The following SMCR8 variants were observed in gnomAD, a reference collection of about 807,000 sequenced individuals.
SMCR8 encodes the protein SMCR8-C9orf72 complex subunit.
In SMCR8, 30 loss-of-function variants were observed where a neutral mutation model predicts 56.6. The ratio of observed to expected loss-of-function variants is 0.53; its 90% CI spans 0.40 to 0.72. The LOEUF is 0.72. Ranked by LOEUF, SMCR8 falls within the 30% of genes least tolerant of loss-of-function variation. The pLI is 0.00. For synonymous variants in SMCR8, 538 were observed against 456.0 expected (o/e 1.18, Z -2.29); for missense variants, 1,198 against 1,157.0 (o/e 1.04, Z -0.51).
chr17:18,315,940 G>A lies in SMCR8; in HGVS notation c.151G>A (p.Ala51Thr). ...GANPWSKLSG[A>T]KFSRDFILIS... ...TAACCCCTGGTCAAAACTGTCCGGG[G>A]CCAAGTTTTCGAGGGACTTCATTCT... The change falls in exon 1 of 2, where the codon GCC becomes ACC. Residue 51 changes from alanine to threonine, a missense_variant. By Grantham distance (58) the Ala-to-Thr change is moderately conservative. Coordinates refer to ENST00000406438, the MANE Select transcript of SMCR8 (RefSeq NM_144775.3). The A allele has an allele frequency of 1.2e-6, 2 of 1,614,194 alleles. No individual in the cohort carries two copies. Among genetic ancestry groups the A allele is most frequent in the East Asian group, 4.5e-5 (2 of 44,886 alleles).
chr17:18,316,219 C>G lies in SMCR8; in HGVS notation c.430C>G (p.Leu144Val). The G allele has an allele frequency of 6.2e-7, 1 of 1,613,842 alleles. No homozygotes were observed. The highest frequency in any genetic ancestry group is 8.5e-7 in the Non-Finnish European group (1 of 1,180,046). ...AYVHHLTLYD[L>V]EARGFVRPFC... ...CGTGCACCACCTTACCCTATACGAC[C>G]TGGAGGCCCGTGGCTTCGTGAGGCC... is the stretch of plus-strand genomic sequence containing the variant. The change falls in exon 1 of 2, where the codon CTG (leucine) becomes GTG (valine). Residue 144 changes from leucine to valine, a missense_variant. Coordinates refer to ENST00000406438, the MANE Select transcript of SMCR8 (RefSeq NM_144775.3).
At position 18,323,397 on chromosome 17, in the gene SMCR8, G is replaced by A. The variant is rs1982561554; in HGVS notation, c.*327G>A. ...CCAGTCCCTTGGTGGGGCAGGGTGA[G>A]GGCAGGAAGGCCAAAGCCTGATGGG... On this transcript the variant is annotated 3_prime_UTR_variant, in exon 2 of 2. Transcript: ENST00000406438. The A allele has an allele frequency of 3.0e-6, 1 of 327,916 alleles. No individual in the cohort carries two copies. Among genetic ancestry groups the A allele is most frequent in the Non-Finnish European group, 5.7e-6 (1 of 175,796 alleles). The allele number at this position is 327,916 out of a possible 1,614,324, so 20.3% of individuals were successfully genotyped here.
rs1982387647 is a variant in SMCR8, at chr17:18,318,093, C to T, written c.2304C>T (p.Ala768=). ...GCYAKPVKHW[A]SSPLHIMDFQ... is the part of the protein sequence containing the mutation. The stretch of plus-strand genomic sequence containing the variant: ...ACGCTAAGCCCGTGAAACATTGGGC[C>T]TCCTCCCCTTTGCACATTATGGATT... The change falls in exon 1 of 2, where the codon GCC becomes GCT. Residue 768 remains alanine, a synonymous_variant. Transcript: ENST00000406438. The T allele has an allele frequency of 6.2e-7, 1 of 1,614,218 alleles. No individual in the cohort carries two copies. Among genetic ancestry groups the T allele is most frequent in the South Asian group, 1.1e-5 (1 of 91,086 alleles).
intron 1 of SMCR8, among the ~76,000 whole-genome samples, chr17:18,319,093 C>T (rs973010743): frequency 5.3e-5 from 8 of 152,276 alleles, no homozygotes; most frequent in South Asian, 2.1e-4. Context: ...GAGCAGTAGA[C>T]GCCACCTGAG....
In SMCR8 at chr17:18,316,449, C is replaced by T. The variant is rs140926016; in HGVS notation, c.660C>T (p.Asn220=). The T allele has an allele frequency of 5.6e-6, 9 of 1,614,094 alleles. No individual in the cohort carries two copies. The highest frequency in any genetic ancestry group is 1.3e-5 in the African/African-American group (1 of 75,040). Residue 220 remains asparagine (N), a synonymous_variant, in exon 1 of 2, where the codon AAC becomes AAT. Transcript: ENST00000406438. ...AAACGGAGATCCAGAAGAAAGCCAA[C>T]GACAAAGGCTTTTACTCATCTCAGG... ...HTETEIQKKA[N]DKGFYSSQAI...
Position 18,316,936 on chromosome 17 carries a change from G to T in SMCR8, c.1147G>T (p.Val383Leu), listed in dbSNP as rs149794234. The part of the protein sequence containing the change: ...EDFVEVDDRM[V>L]EKQESIPSKP... ...CTTTGTGGAGGTCGATGACAGGATG[G>T]TGGAGAAACAAGAAAGCATACCCTC... is the stretch of plus-strand genomic sequence containing the variant. The change falls in exon 1 of 2, where the codon GTG becomes TTG. Residue 383 changes from valine (V) to leucine (L), a missense_variant. Coordinates refer to ENST00000406438, the MANE Select transcript of SMCR8 (RefSeq NM_144775.3). 2.5e-6 allele frequency: 4 copies of T among 1,614,080 alleles called. No homozygotes were observed. In the African/African-American group the frequency reaches 5.3e-5, roughly 22 times the overall value.
rs1287362927 is a variant in SMCR8, at chr17:18,317,358, C to T, written c.1569C>T (p.Cys523=). The change falls in exon 1 of 2, where the codon TGC becomes TGT. Residue 523 remains cysteine, a synonymous_variant. Transcript: ENST00000406438. ...SEDSIEVLST[C]PSEALIPDDF... ...ACAGTATTGAAGTCCTCAGTACCTG[C>T]CCCTCTGAGGCCCTCATCCCTGATG... 6.8e-6 allele frequency: 11 copies of T among 1,614,006 alleles called. No homozygotes were observed. Among genetic ancestry groups the T allele is most frequent in the Non-Finnish European group, 9.3e-6 (11 of 1,180,026 alleles).
chr17:18,327,365 G>GCGAGCCCTGGAGATGGCAGCTTGT lies in SMCR8; in HGVS notation c.*4297_*4320dup, dbSNP rs1421826698. 2.6e-5 allele frequency: 4 copies of GCGAGCCCTGGAGATGGCAGCTTGT among 152,318 alleles called. No homozygotes were observed. The highest frequency in any genetic ancestry group is 5.9e-5 in the Non-Finnish European group (4 of 68,102). The allele number at this position is 152,318 out of a possible 1,614,324, so 9.4% of individuals were successfully genotyped here. On this transcript the variant is annotated 3_prime_UTR_variant, in exon 2 of 2. Transcript: ENST00000406438. Reference sequence around the variant, plus strand: ...AGCCCAAGAGTGGAGGCTGTTTACAGCGAGCCCTGGAGATGGCAGCTTGTC... The same window carrying GCGAGCCCTGGAGATGGCAGCTTGT: ...AGCCCAAGAGTGGAGGCTGTTTACAGCGAGCCCTGGAGATGGCAGCTTGTCGAGCCCTGGAGATGGCAGCTTGTC...
In SMCR8 at chr17:18,324,200, C is replaced by G. The variant is rs1047137858; in HGVS notation, c.*1130C>G. 3.9e-5 allele frequency: 6 copies of G among 152,276 alleles called. No individual in the cohort carries two copies. Among genetic ancestry groups the G allele is most frequent in the African/African-American group, 1.4e-4 (6 of 41,454 alleles). 9.4% of individuals were successfully genotyped at this position (152,276 alleles called of 1,614,324 possible). On this transcript the variant is annotated 3_prime_UTR_variant, in exon 2 of 2. Coordinates refer to ENST00000406438, the MANE Select transcript of SMCR8 (RefSeq NM_144775.3). ...AGCACGGATTTCCTGGATGAGCTAC[C>G]ACGTGGCGCTCTTCAGGTTCTGCCT...
chr17:18,323,165 T>G lies in SMCR8; in HGVS notation c.*95T>G, dbSNP rs965318938. The G allele has an allele frequency of 8.9e-7, 1 of 1,125,720 alleles. No individual in the cohort carries two copies. The highest frequency in any genetic ancestry group is 1.3e-6 in the Non-Finnish European group (1 of 787,922). The allele number at this position is 1,125,720 out of a possible 1,614,324, so 69.7% of individuals were successfully genotyped here. ...AAACAGTTGCCTGAGCTGGACTGTT[T>G]AAGTTTCTGGTGTCTGGCAGCATGG... On this transcript the variant is annotated 3_prime_UTR_variant, in exon 2 of 2. Transcript: ENST00000406438.
intron 1 of SMCR8, among the ~76,000 whole-genome samples, chr17:18,322,025 T>C (rs1368087748): frequency 6.6e-6 from 1 of 152,122 alleles, no homozygotes; most frequent in Non-Finnish European, 1.5e-5. Context: ...TTTGTTTTGT[T>C]TTTTAAGACA....
rs1158444232 is a variant in SMCR8, at chr17:18,324,955, G to A, written c.*1885G>A. 6.6e-6 allele frequency: 1 copy of A among 152,272 alleles called. No homozygotes were observed. Among genetic ancestry groups the A allele is most frequent in the African/African-American group, 2.4e-5 (1 of 41,476 alleles). 9.4% of individuals were successfully genotyped at this position (152,272 alleles called of 1,614,324 possible). On this transcript the variant is annotated 3_prime_UTR_variant, in exon 2 of 2. Coordinates refer to ENST00000406438, the MANE Select transcript of SMCR8 (RefSeq NM_144775.3). ...TGAAACGTCTGTTACTTGCGCTGGA[G>A]GCAGAGGCTGTGCAGGGAGCCTGCT...
intron 1 of SMCR8, among the ~76,000 whole-genome samples, chr17:18,319,374 C>T (rs1982430861): frequency 6.6e-6 from 1 of 152,184 alleles, no homozygotes; most frequent in Non-Finnish European, 1.5e-5. Context: ...GGCACCGACA[C>T]AGGCAGGCAG....
At chr17:18,321,007 G>A (rs1982481579) in intron 1 of SMCR8, among the ~76,000 whole-genome samples, 1 of 152,168 alleles carries the variant, frequency 6.6e-6, no homozygotes, top group Non-Finnish European at 1.5e-5. Flanking sequence ...ATCAGACTGA[G>A]CTCATGCAGG....
In SMCR8 at chr17:18,316,667, C is replaced by T; in HGVS notation, c.878C>T (p.Thr293Ile). Residue 293 changes from threonine (T) to isoleucine (I), a missense_variant, in exon 1 of 2, where the codon ACA becomes ATA. Physicochemically the swap from Thr to Ile is moderately conservative, Grantham distance 89. Transcript: ENST00000406438. ...TTSNPDESAD[T>I]DLYTCRPAYT... ...TCTAACCCTGATGAGTCTGCCGACA[C>T]AGACCTTTACACCTGCAGACCAGCC... 1 of 1,614,176 alleles carries T rather than the reference C, an allele frequency of 6.2e-7. No homozygotes were observed. Among genetic ancestry groups the T allele is most frequent in the South Asian group, 1.1e-5 (1 of 91,086 alleles).
rs146758728 is a variant in SMCR8, at chr17:18,317,088, G to A, written c.1299G>A (p.Leu433=). The A allele has an allele frequency of 7.7e-5, 125 of 1,613,992 alleles. No homozygotes were observed. The highest frequency in any genetic ancestry group is 1.1e-4 in the Non-Finnish European group (124 of 1,180,030). ...ESVLIKMEQE[L]GDEEYKEVEV... is the part of the protein sequence containing the mutation. The stretch of plus-strand genomic sequence containing the variant: ...TGTTGATCAAGATGGAGCAGGAACT[G>A]GGAGATGAGGAGTACAAGGAAGTGG... Residue 433 remains leucine, a synonymous_variant, in exon 1 of 2, where the codon CTG becomes CTA. Coordinates refer to ENST00000406438, the MANE Select transcript of SMCR8 (RefSeq NM_144775.3).
At chr17:18,320,643 G>A (rs1982470565) in intron 1 of SMCR8, among the ~76,000 whole-genome samples, 1 of 152,212 alleles carries the variant, frequency 6.6e-6, no homozygotes, top group Admixed American at 6.5e-5. Flanking sequence ...CATGCAGCAT[G>A]GGTTGAGGAG....
In SMCR8 at chr17:18,324,100, C is replaced by T. The variant is rs1982580988; in HGVS notation, c.*1030C>T. On this transcript the variant is annotated 3_prime_UTR_variant, in exon 2 of 2. Transcript: ENST00000406438. ...CACTTCACTACCTCTCACTGGGTCTCGTGGGCTTGGGACAGCAACGGTTCT... is the reference window on the plus strand; with the variant it reads ...CACTTCACTACCTCTCACTGGGTCTTGTGGGCTTGGGACAGCAACGGTTCT... 1 of 152,282 alleles carries T rather than the reference C, an allele frequency of 6.6e-6. No individual in the cohort carries two copies. Among genetic ancestry groups the T allele is most frequent in the South Asian group, 2.1e-4 (1 of 4,834 alleles). 9.4% of individuals were successfully genotyped at this position (152,282 alleles called of 1,614,324 possible). A position where few individuals can be genotyped will look rare whatever the true frequency, so the allele number is the denominator to read the frequency against.
chr17:18,320,701 G>A (rs924486741), intron 1 of SMCR8, among the ~76,000 whole-genome samples: 2 of 152,228 alleles, frequency 1.3e-5, no homozygotes, highest in Non-Finnish European at 2.9e-5. Flanking sequence ...GCCACCTGCA[G>A]GCCCCAGTTC....
Sources: allele counts gnomAD v4.1 joint callset (sites outside exome capture counted in the v4.1 genomes callset), GRCh38; gene constraint gnomAD v4.1.1; transcripts MANE v1.5; gene names NCBI Gene and HGNC (gene_info 2026-07-23, HGNC 2026-07-21).